ERCC6: variants seen among roughly 807,000 people sequenced by gnomAD.
The protein encoded by ERCC6 is ERCC excision repair 6, chromatin remodeling factor.
Under a neutral mutation model 158.7 loss-of-function variants are expected in ERCC6, and 116 were observed. The ratio of observed to expected loss-of-function variants is 0.73; its 90% confidence interval spans 0.63 to 0.85. The LOEUF is 0.85. ERCC6 is among the 40% of genes least tolerant of loss of function. The pLI is 0.00. For missense variants in ERCC6, 1,698 were observed against 1,799.4 expected (o/e 0.94, Z 1.02); for synonymous variants, 678 against 659.3 (o/e 1.03, Z -0.43).
chr10:49,494,034 C>A (rs1023788970), intron 7 of ERCC6, among the ~76,000 whole-genome samples: 1 of 152,208 alleles, frequency 6.6e-6, no homozygotes, highest in Non-Finnish European at 1.5e-5. Context: ...CACTGGGATA[C>A]ACACTGGAGC....
At chr10:49,466,589 C>T (rs1040091491) in intron 18 of ERCC6, among the ~76,000 whole-genome samples, 5 of 152,144 alleles carry the variant, frequency 3.3e-5, no homozygotes, top group African/African-American at 1.2e-4. Flanking sequence ...TGAACATAGC[C>T]GTCACCTGCA....
intron 6 of ERCC6, chr10:49,502,610 G>A (rs925807111): frequency 1.3e-5 from 2 of 152,210 alleles, no homozygotes; most frequent in African/African-American, 4.8e-5. Flanking sequence ...AGAAAAAAAT[G>A]AGCAAGCCAG....
chr10:49,500,979 G>T (rs1398403709), intron 6 of ERCC6: 3 of 362,836 alleles, frequency 8.3e-6, no homozygotes, highest in Non-Finnish European at 1.0e-5. Context: ...TTCAACATTA[G>T]AAATAGCTTG....
chr10:49,464,492 C>T (rs1468716888), intron 18 of ERCC6, among the ~76,000 whole-genome samples: 1 of 152,226 alleles, frequency 6.6e-6, no homozygotes, highest in Admixed American at 6.5e-5. Context: ...CAGAAATTTG[C>T]ATTACGTAAC....
At chr10:49,532,405 G>C in intron 2 of ERCC6, 138 bp downstream of exon 2, 1 of 1,342,982 alleles carries the variant, frequency 7.4e-7, no homozygotes, top group South Asian at 1.3e-5. Flanking sequence ...GTTGAGGACT[G>C]CCCTTATTGA....
At chr10:49,447,169 A>T in the ERCC6 span, among the ~76,000 whole-genome samples, 1 of 152,224 alleles carries the variant, frequency 6.6e-6, no homozygotes, top group Non-Finnish European at 1.5e-5. Flanking sequence ...CCAATGACAA[A>T]CAGATGATAT....
intron 18 of ERCC6, among the ~76,000 whole-genome samples, chr10:49,462,328 T>C (rs1190757624): frequency 6.6e-6 from 1 of 152,164 alleles, no homozygotes; most frequent in African/African-American, 2.4e-5. Context: ...GCATTTTATC[T>C]TTGAACCAAG....
intron 18 of ERCC6, 39 bp downstream of exon 18, chr10:49,470,143 A>T (rs1176668162): frequency 2.5e-5 from 40 of 1,583,952 alleles, no homozygotes; most frequent in Non-Finnish European, 3.3e-5. Flanking sequence ...TCATTTTCTA[A>T]TCCTAGCATC....
At chr10:49,452,932 A>C (rs141892589), downstream of ERCC6, among the ~76,000 whole-genome samples, 18 of 152,120 alleles carry the variant, frequency 1.2e-4, no homozygotes, top group African/African-American at 4.3e-4. Context: ...GTATCCTTTT[A>C]ATCTATCTGT....
intron 18 of ERCC6, among the ~76,000 whole-genome samples, chr10:49,467,700 G>A (rs527446982): frequency 6.6e-6 from 1 of 151,770 alleles, no homozygotes; most frequent in Admixed American, 6.6e-5. Flanking sequence ...CAAGTAGCTG[G>A]GACCACAGGT....
At chr10:49,446,060 A>G in the ERCC6 span, among the ~76,000 whole-genome samples, 1 of 152,212 alleles carries the variant, frequency 6.6e-6, no homozygotes, top group South Asian at 2.1e-4. Flanking sequence ...ATGAGTTTGA[A>G]GTCCAAACTT....
chr10:49,438,952 T>C, the ERCC6 span, among the ~76,000 whole-genome samples: 10 of 152,324 alleles, frequency 6.6e-5, no homozygotes, highest in East Asian at 1.9e-3. Flanking sequence ...TAGGTTCCCA[T>C]GGTCTTGGGA....
At chr10:49,483,233 G>A (rs1851011041) in intron 9 of ERCC6, 113 bp downstream of exon 9, 4 of 1,128,470 alleles carry the variant, frequency 3.5e-6, no homozygotes, top group Non-Finnish European at 5.3e-6. Context: ...TAAATTTCTT[G>A]TGCAGTTGGC....
At chr10:49,480,688 A>G (rs570513850) in intron 10 of ERCC6, among the ~76,000 whole-genome samples, 52 of 152,332 alleles carry the variant, frequency 3.4e-4, no homozygotes, top group Middle Eastern at 3.4e-3. Context: ...ACACCACCTT[A>G]AAGTAATCAG....
rs140406992 is a variant in ERCC6 at position 49,499,726 on chromosome 10, G to T, written c.1685+812C>A. On this transcript the variant is annotated intron_variant, in intron 7 of 20. Transcript: ENST00000355832. Reference sequence around the variant, plus strand: ...AGAGTCAATTTACAGTTTAAATATGGAAGTGCTCATAGTACTTTCTTTCAA... The same window carrying T: ...AGAGTCAATTTACAGTTTAAATATGTAAGTGCTCATAGTACTTTCTTTCAA... Among the ~76,000 whole-genome samples, 634 of 152,238 alleles carry T rather than the reference G, an allele frequency of 4.2e-3. 8 individuals are homozygous for T. Among genetic ancestry groups the T allele is most frequent in the African/African-American group, 0.014 (590 of 41,532 alleles).
intron 12 of ERCC6, chr10:49,475,189 T>A: frequency 6.7e-6 from 2 of 297,258 alleles, no homozygotes; most frequent in Admixed American, 8.0e-5. Context: ...ATGTGCTGCA[T>A]ATGTAAAATA....
intron 5 of ERCC6, among the ~76,000 whole-genome samples, chr10:49,509,346 A>G (rs532706262): frequency 9.2e-5 from 14 of 152,232 alleles, no homozygotes; most frequent in Non-Finnish European, 1.8e-4. Context: ...ATGTTCACTG[A>G]AAGAAGAGAA....
chr10:49,493,114 T>G lies in ERCC6; in HGVS notation c.1821+3A>C. The stretch of plus-strand genomic sequence containing the variant: ...ACAAAAAGGTACTGAAATATTGTGT[T>G]ACCTTTTTGTGGGTATAGGAACCGG... On this transcript the variant is annotated splice_donor_region_variant and intron_variant, in intron 8 of 20. Transcript: ENST00000355832. 1 of 1,614,094 alleles carries G rather than the reference T, an allele frequency of 6.2e-7. No individual in the cohort carries two copies. Among genetic ancestry groups the G allele is most frequent in the Non-Finnish European group, 8.5e-7 (1 of 1,179,982 alleles).
intron 6 of ERCC6, chr10:49,502,377 A>G (rs1851370623): frequency 6.6e-6 from 1 of 152,232 alleles, no homozygotes; most frequent in Non-Finnish European, 1.5e-5. Context: ...GTACAGATAC[A>G]AGATCATTTA....
Sources: allele counts gnomAD v4.1 joint callset (sites outside exome capture counted in the v4.1 genomes callset), GRCh38; gene constraint gnomAD v4.1.1; transcripts MANE v1.5; gene names NCBI Gene and HGNC (gene_info 2026-07-23, HGNC 2026-07-21).